Variants in DYM observed in about 807,000 individuals in gnomAD.
The protein encoded by DYM is dyggve-Melchior-Clausen syndrome protein.
A neutral mutation model predicts 93.1 loss-of-function variants in DYM; 78 were observed. The ratio of observed to expected loss-of-function variants is 0.84; its 90% CI spans 0.70 to 1.01. The LOEUF (loss-of-function observed/expected upper bound fraction) is 1.01, where lower values mean the gene tolerates loss of function less well. Ranked by LOEUF, DYM falls within the 50% of genes least tolerant of loss-of-function variation. DYM has a pLI of 0.00. For missense variants in DYM, 789 were observed against 845.0 expected (o/e 0.93, Z 0.82); for synonymous variants, 321 against 319.7 (o/e 1.00, Z -0.04).
chr18:49,166,149 T>A (rs12455537), intron 14 of DYM, among the ~76,000 whole-genome samples: 20,754 of 152,222 alleles, frequency 0.14, 1,882 homozygotes, highest in East Asian at 0.23. Flanking sequence ...GACCCACTGA[T>A]AACTAATATT....
At chr18:49,136,916 A>G (rs781506977) in intron 15 of DYM, among the ~76,000 whole-genome samples, 45 of 152,228 alleles carry the variant, frequency 3.0e-4, no homozygotes, top group Non-Finnish European at 5.9e-4. Flanking sequence ...AGGAAGACAC[A>G]GAATGCAAGT....
At chr18:49,220,596 T>C (rs376513109) in intron 13 of DYM, among the ~76,000 whole-genome samples, 1 of 151,548 alleles carries the variant, frequency 6.6e-6, no homozygotes, top group Non-Finnish European at 1.5e-5. Flanking sequence ...TCAGAAATAA[T>C]GCCGCATATC....
chr18:49,112,825 TC>T (rs1336164579), intron 16 of DYM, among the ~76,000 whole-genome samples: 2 of 152,130 alleles, frequency 1.3e-5, no homozygotes, highest in African/African-American at 4.8e-5. Context: ...TCCCCATAAC[TC>T]CGTCCCACCC....
chr18:49,307,725 G>T (rs1226120959), intron 8 of DYM, among the ~76,000 whole-genome samples: 1 of 152,118 alleles, frequency 6.6e-6, no homozygotes, highest in Non-Finnish European at 1.5e-5. Flanking sequence ...AAACAACTGT[G>T]CCCAGATAAA....
chr18:49,279,745 A>G (rs2094925813), intron 10 of DYM, among the ~76,000 whole-genome samples: 1 of 152,188 alleles, frequency 6.6e-6, no homozygotes, highest in South Asian at 2.1e-4. Flanking sequence ...CACACCCATC[A>G]GGAAACAAGC....
chr18:49,149,702 G>GGT (rs1555780430), intron 15 of DYM, among the ~76,000 whole-genome samples: 2 of 76,852 alleles, frequency 2.6e-5, no homozygotes, highest in East Asian at 9.0e-4. Context: ...ATTACAAAGT[G>GGT]TTTTTTTTTT....
intron 10 of DYM, among the ~76,000 whole-genome samples, chr18:49,277,380 AAGAG>A (rs1211257485): frequency 6.6e-6 from 1 of 152,174 alleles, no homozygotes; most frequent in East Asian, 1.9e-4. Flanking sequence ...TAACACATAA[AAGAG>A]AGAGAAAAGC....
At chr18:49,174,520 G>A (rs2145334565) in intron 14 of DYM, among the ~76,000 whole-genome samples, 1 of 152,070 alleles carries the variant, frequency 6.6e-6, no homozygotes, top group South Asian at 2.1e-4. Context: ...AATTATGATG[G>A]CTATTTTTCT....
chr18:49,275,187 G>A (rs561746554), intron 10 of DYM, among the ~76,000 whole-genome samples: 1 of 152,088 alleles, frequency 6.6e-6, no homozygotes, highest in Non-Finnish European at 1.5e-5. Context: ...TCCTTTGCAA[G>A]TGACTACACA....
chr18:49,222,571 A>C (rs2093402066), intron 13 of DYM, among the ~76,000 whole-genome samples: 1 of 152,138 alleles, frequency 6.6e-6, no homozygotes, highest in African/African-American at 2.4e-5. Context: ...TCAGAAACCA[A>C]AAAGAATAAC....
At chr18:49,128,664 T>C (rs1228806693) in intron 15 of DYM, among the ~76,000 whole-genome samples, 1 of 152,194 alleles carries the variant, frequency 6.6e-6, no homozygotes, top group East Asian at 1.9e-4. Context: ...CTTCATAAAG[T>C]ATTTAGACAA....
At chr18:49,384,322 C>CAAAAAA (rs398032777) in intron 3 of DYM, among the ~76,000 whole-genome samples, 2 of 65,842 alleles carry the variant, frequency 3.0e-5, no homozygotes, top group Non-Finnish European at 5.5e-5. Context: ...ACCATGTCTC[C>CAAAAAA]AAAAAAAAAA....
At chr18:49,350,787 T>C (rs938308217) in intron 6 of DYM, among the ~76,000 whole-genome samples, 7 of 145,482 alleles carry the variant, frequency 4.8e-5, no homozygotes, top group African/African-American at 1.8e-4. Context: ...GGAGAGGGAA[T>C]AGAAGATTAG....
intron 2 of DYM, among the ~76,000 whole-genome samples, chr18:49,410,162 C>T (rs1330369842): frequency 6.6e-6 from 1 of 152,136 alleles, no homozygotes; most frequent in African/African-American, 2.4e-5. Flanking sequence ...AACTCCTGGG[C>T]TCAAGCAATC....
In DYM at chr18:49,333,841, A is replaced by G; in HGVS notation, c.507T>C (p.Tyr169=). 2 of 1,610,418 alleles carry G rather than the reference A, an allele frequency of 1.2e-6. No individual in the cohort carries two copies. Among genetic ancestry groups the G allele is most frequent in the Non-Finnish European group, 1.7e-6 (2 of 1,177,262 alleles). ...TTGATATAGCTTCTACTGATATTTCATATGTAATATCTCTAAAATGGAAGA... is the reference window on the plus strand; with the variant it reads ...TTGATATAGCTTCTACTGATATTTCGTATGTAATATCTCTAAAATGGAAGA... ...ITDIPLLDIT[Y]EISVEAISTM... Residue 169 remains tyrosine (Y), a synonymous_variant, in exon 7 of 18, where the codon TAT becomes TAC. Coordinates refer to ENST00000675505, the MANE Select transcript of DYM (RefSeq NM_001353214.3).
chr18:49,229,092 A>G (rs1304715388), intron 13 of DYM, among the ~76,000 whole-genome samples: 2 of 151,990 alleles, frequency 1.3e-5, no homozygotes, highest in Admixed American at 1.3e-4. Flanking sequence ...ACATAAAATG[A>G]TTCTATATTA....
chr18:49,080,121 C>A (rs1457263584), intron 17 of DYM, among the ~76,000 whole-genome samples: 4 of 64,138 alleles, frequency 6.2e-5, no homozygotes, highest in African/African-American at 1.7e-4. Context: ...GCTGACCCCC[C>A]CACCTCCCTC....
intron 6 of DYM, among the ~76,000 whole-genome samples, chr18:49,335,952 T>G (rs966076953): frequency 1.3e-5 from 2 of 152,146 alleles, no homozygotes; most frequent in African/African-American, 4.8e-5. Context: ...TAGCTGGGAC[T>G]ACAGGCAGAC....
At chr18:49,152,929 G>C (rs1267776492) in intron 15 of DYM, among the ~76,000 whole-genome samples, 2 of 152,130 alleles carry the variant, frequency 1.3e-5, no homozygotes, top group Non-Finnish European at 2.9e-5. Flanking sequence ...CAAAATCATA[G>C]AATCAGAGCC....
Sources: gnomAD v4.1 joint callset for allele counts (sites outside exome capture counted in the v4.1 genomes callset) on GRCh38, gnomAD v4.1.1 for gene constraint, MANE v1.5 for transcripts, NCBI Gene and HGNC (gene_info 2026-07-23, HGNC 2026-07-21) for gene names.